The following USP39 variants were observed in gnomAD, a reference collection of about 807,000 sequenced individuals.
USP39 encodes ubiquitin specific peptidase 39.
A neutral mutation model predicts 66.4 loss-of-function variants in USP39; 38 were observed. The ratio of observed to expected loss-of-function variants is 0.57; its 90% confidence interval spans 0.44 to 0.75. The LOEUF is 0.75. Among genes scored for constraint, USP39 ranks in the 30% least tolerant of loss-of-function variants. The pLI is 0.00. For missense variants in USP39, 608 were observed against 714.4 expected (o/e 0.85, Z 1.70); for synonymous variants, 303 against 274.6 (o/e 1.10, Z -1.02).
At chr2:85,611,834 C>G, upstream of USP39, 2 of 1,605,788 alleles carry the variant, frequency 1.2e-6, no homozygotes, top group East Asian at 4.5e-5. Context: ...CGGGCCAGGC[C>G]AGGCCAGGAG....
At chr2:85,612,127 A>G (rs1207769747), upstream of USP39, 1 of 909,748 alleles carries the variant, frequency 1.1e-6, no homozygotes, top group East Asian at 2.7e-5. Flanking sequence ...TGGCCAAGCG[A>G]TGCAGCGCAC....
At chr2:85,640,253 T>G (rs1676121016) in intron 9 of USP39, among the ~76,000 whole-genome samples, 1 of 152,004 alleles carries the variant, frequency 6.6e-6, no homozygotes, top group Non-Finnish European at 1.5e-5. Flanking sequence ...AGGAAGGTCA[T>G]TTAGGAGAGG....
chr2:85,629,857 G>T (rs1021426517), intron 5 of USP39, among the ~76,000 whole-genome samples: 1 of 151,862 alleles, frequency 6.6e-6, no homozygotes, highest in African/African-American at 2.4e-5. Context: ...GCTGGGCATG[G>T]TGGCTTAGGC....
intron 8 of USP39, among the ~76,000 whole-genome samples, chr2:85,638,844 T>C (rs1676005036): frequency 6.6e-6 from 1 of 150,918 alleles, no homozygotes; most frequent in Admixed American, 6.6e-5. Context: ...GCCAATTTTT[T>C]TTTTTTTTTG....
At chr2:85,636,410 A>G (rs556403139) in intron 7 of USP39, among the ~76,000 whole-genome samples, 5 of 152,306 alleles carry the variant, frequency 3.3e-5, no homozygotes, top group South Asian at 4.1e-4. Flanking sequence ...TATCTGGGGT[A>G]GGCTAGTATC....
chr2:85,629,421 G>A (rs1558860363), intron 5 of USP39, among the ~76,000 whole-genome samples: 1 of 151,868 alleles, frequency 6.6e-6, no homozygotes, highest in Non-Finnish European at 1.5e-5. Flanking sequence ...AAATTAATAC[G>A]GCTAGTTTTT....
intron 5 of USP39, among the ~76,000 whole-genome samples, chr2:85,628,264 G>A (rs1247148651): frequency 6.6e-6 from 1 of 152,054 alleles, no homozygotes; most frequent in Non-Finnish European, 1.5e-5. Context: ...TCCTGCCTCA[G>A]CCTCCCGAGT....
rs951898426 is a variant in USP39, at chr2:85,616,282, GCGGGAGCGAGAT to G, written c.96_107del (p.Asp33_Arg36del). On this transcript the variant is annotated inframe_deletion, in exon 1 of 13. Transcript: ENST00000323701. Reference sequence around the variant, plus strand: ...CGCGGGGCAGCTCCGGTCGCGTCAAGCGGGAGCGAGATCGGGAGCGGGAGCCTGAGGCGGCGA... The same window carrying G: ...CGCGGGGCAGCTCCGGTCGCGTCAAGCGGGAGCGGGAGCCTGAGGCGGCGA... 1.0e-5 allele frequency: 16 copies of G among 1,559,144 alleles called. No individual in the cohort carries two copies. Among genetic ancestry groups the G allele is most frequent in the Admixed American group, 3.7e-5 (2 of 54,174 alleles).
At chr2:85,616,003 A>T, upstream of USP39, 1 of 1,190,768 alleles carries the variant, frequency 8.4e-7, no homozygotes, top group African/African-American at 1.6e-5. Context: ...CAGTAGGCCC[A>T]CAGAAGGTTC....
chr2:85,630,202 A>G (rs1675216552), intron 5 of USP39, among the ~76,000 whole-genome samples: 1 of 151,526 alleles, frequency 6.6e-6, no homozygotes, highest in African/African-American at 2.4e-5. Flanking sequence ...ATTTACTTTT[A>G]TGTACAATTA....
upstream of USP39, chr2:85,612,154 G>T: frequency 6.8e-6 from 6 of 886,322 alleles, no homozygotes; most frequent in Middle Eastern, 8.6e-4. Context: ...TTCGGGTCTG[G>T]TCGGGTCGGG....
Position 85,616,275 on chromosome 2 carries a change from G to C in USP39, c.80G>C (p.Arg27Pro). 1 of 1,544,962 alleles carries C rather than the reference G, an allele frequency of 6.5e-7. No homozygotes were observed. The highest frequency in any genetic ancestry group is 1.4e-5 in the African/African-American group (1 of 71,698). ...RESESRGSSG[R>P]VKRERDRERE... ...TCTGAGTCGCGGGGCAGCTCCGGTCGCGTCAAGCGGGAGCGAGATCGGGAG... is the reference window on the plus strand; with the variant it reads ...TCTGAGTCGCGGGGCAGCTCCGGTCCCGTCAAGCGGGAGCGAGATCGGGAG... The change falls in exon 1 of 13, where the codon CGC becomes CCC. Residue 27 changes from arginine to proline, a missense_variant. Physicochemically the swap from Arg to Pro is moderately radical, Grantham distance 103 (BLOSUM62 -2). This residue lies in a region of USP39 where 207 missense variants were observed against 145.7 expected (regional missense o/e 1.42). Transcript: ENST00000323701.
At position 85,636,036 on chromosome 2, in the gene USP39, C is replaced by T. The variant is rs757084068; in HGVS notation, c.950-17C>T. 1.4e-5 allele frequency: 22 copies of T among 1,585,156 alleles called. No homozygotes were observed. The Middle Eastern group carries it at 6.6e-4, about 47-fold the overall frequency. ...GCCACTTAGCTTCAACGTTTTCCAC[C>T]CTTCCTTTTTTTCCAGGAGATGGCG... On this transcript the variant is annotated splice_polypyrimidine_tract_variant and intron_variant, in intron 6 of 12. Transcript: ENST00000323701.
intron 6 of USP39, among the ~76,000 whole-genome samples, chr2:85,633,055 A>G (rs1675484635): frequency 7.6e-6 from 1 of 131,746 alleles, no homozygotes; most frequent in Admixed American, 7.7e-5. Context: ...GAGGGACCAG[A>G]TGGCCTGCTT....
At chr2:85,611,264 A>G (rs778867534), upstream of USP39, 842 of 1,401,442 alleles carry the variant, frequency 6.0e-4, 1 homozygote, top group Non-Finnish European at 7.3e-4. Flanking sequence ...TGACCGTCAT[A>G]TATTAACCAG....
intron 5 of USP39, among the ~76,000 whole-genome samples, chr2:85,629,124 C>T (rs777593276): frequency 6.6e-6 from 1 of 151,682 alleles, no homozygotes; most frequent in East Asian, 1.9e-4. Flanking sequence ...AGTGCAATGG[C>T]GCGATCTTGG....
chr2:85,628,303 G>A (rs1480997240), intron 5 of USP39, among the ~76,000 whole-genome samples: 2 of 151,952 alleles, frequency 1.3e-5, no homozygotes, highest in Admixed American at 1.3e-4. Flanking sequence ...GTGCCACCAT[G>A]CCTAGCTAAT....
upstream of USP39, among the ~76,000 whole-genome samples, chr2:85,609,257 A>G (rs977407469): frequency 2.0e-5 from 3 of 152,190 alleles, no homozygotes; most frequent in African/African-American, 7.2e-5. Context: ...TCCCCTACTG[A>G]GAATCACTGT....
Position 85,622,814 on chromosome 2 carries a change from A to T in USP39, c.434-832A>T, listed in dbSNP as rs565180271. Among the ~76,000 whole-genome samples, 98 of 152,164 alleles carry T rather than the reference A, an allele frequency of 6.4e-4. 2 individuals are homozygous for T. The South Asian group carries it at 0.018, about 28-fold the overall frequency. On this transcript the variant is annotated intron_variant, in intron 3 of 12. Coordinates refer to ENST00000323701, the MANE Select transcript of USP39 (RefSeq NM_006590.4). ...ATCCTAGCATTTTGGGAGGCCGAGG[A>T]GGAGGATTGTTTAAAGTCAAGAGTT...
Sources: allele counts gnomAD v4.1 joint callset (sites outside exome capture counted in the v4.1 genomes callset), GRCh38; gene constraint gnomAD v4.1.1; regional missense constraint gnomAD v4.1.1; transcripts MANE v1.5; gene names NCBI Gene and HGNC (gene_info 2026-07-23, HGNC 2026-07-21).